UBASH3B: variants seen among roughly 807,000 people sequenced by gnomAD.
The protein encoded by UBASH3B is ubiquitin associated and SH3 domain containing B, also known as ubiquitin-associated and SH3 domain-containing protein B.
In UBASH3B, 37 loss-of-function variants were observed where a neutral mutation model predicts 83.4. That is an observed-to-expected ratio of 0.44 (90% CI 0.34 to 0.58). UBASH3B has a LOEUF of 0.58. Ranked by LOEUF, UBASH3B falls within the 20% of genes least tolerant of loss-of-function variation. The pLI is 0.01. For missense variants in UBASH3B, 657 were observed against 827.2 expected (o/e 0.79, Z 2.52); for synonymous variants, 304 against 318.3 (o/e 0.96, Z 0.48).
intron 5 of UBASH3B, among the ~76,000 whole-genome samples, chr11:122,784,044 G>T (rs1016884890): frequency 6.6e-6 from 1 of 151,698 alleles, no homozygotes; most frequent in Non-Finnish European, 1.5e-5. Context: ...GGGTTCAAGC[G>T]ATTCTCCTGC....
chr11:122,731,249 C>A (rs1860839444), intron 1 of UBASH3B, among the ~76,000 whole-genome samples: 1 of 152,220 alleles, frequency 6.6e-6, no homozygotes, highest in Admixed American at 6.5e-5. Flanking sequence ...GCAAAACCAG[C>A]ACAAATTTCT....
At chr11:122,722,274 C>CT (rs1323625382) in intron 1 of UBASH3B, among the ~76,000 whole-genome samples, 1 of 152,200 alleles carries the variant, frequency 6.6e-6, no homozygotes, top group Non-Finnish European at 1.5e-5. Context: ...AAGACTTTGA[C>CT]TTAAACATTC....
In UBASH3B at chr11:122,776,277, G is replaced by T. The variant is rs1280603977; in HGVS notation, c.215+5G>T. The T allele has an allele frequency of 1.2e-6, 2 of 1,602,990 alleles. No homozygotes were observed. The highest frequency in any genetic ancestry group is 1.7e-6 in the Non-Finnish European group (2 of 1,175,890). On this transcript the variant is annotated splice_donor_5th_base_variant and intron_variant, in intron 2 of 13. Coordinates refer to ENST00000284273, the MANE Select transcript of UBASH3B (RefSeq NM_032873.5). ...TGTTCAGGCAGCATGTGACTGGTTG[G>T]TATGAGATAAATAAATTGAGAAAAT...
At chr11:122,781,491 G>C (rs897883729) in intron 4 of UBASH3B, among the ~76,000 whole-genome samples, 3 of 152,224 alleles carry the variant, frequency 2.0e-5, no homozygotes, top group Non-Finnish European at 4.4e-5. Flanking sequence ...AGCAGCAGTC[G>C]AAGCCCCAGC....
chr11:122,778,590 A>ATTTTTTTTTTTTTTTTT (rs138539169), intron 3 of UBASH3B, among the ~76,000 whole-genome samples: 3 of 118,080 alleles, frequency 2.5e-5, no homozygotes, highest in Non-Finnish European at 3.6e-5. Context: ...GAGAACTTTG[A>ATTTTTTTTTTTTTTTTT]TTTTTTTTTT....
intron 1 of UBASH3B, among the ~76,000 whole-genome samples, chr11:122,738,887 CAA>C (rs35957240): frequency 0.039 from 5,439 of 139,476 alleles, 135 homozygotes; most frequent in Admixed American, 0.082. Flanking sequence ...AACTCTGTCT[CAA>C]AAAAAAAAAA....
At chr11:122,752,290 T>C (rs1271427458) in intron 1 of UBASH3B, among the ~76,000 whole-genome samples, 1 of 152,178 alleles carries the variant, frequency 6.6e-6, no homozygotes, top group Non-Finnish European at 1.5e-5. Flanking sequence ...TCTAGTGCTA[T>C]TGAGGAGATA....
intron 1 of UBASH3B, among the ~76,000 whole-genome samples, chr11:122,669,532 C>G (rs1863562768): frequency 6.6e-6 from 1 of 152,204 alleles, no homozygotes; most frequent in Non-Finnish European, 1.5e-5. Flanking sequence ...ACATGGACAG[C>G]TTTGGTGACT....
At chr11:122,690,214 T>TATA (rs1863873410) in intron 1 of UBASH3B, among the ~76,000 whole-genome samples, 4 of 52,560 alleles carry the variant, frequency 7.6e-5, no homozygotes, top group Non-Finnish European at 9.9e-5. Flanking sequence ...ATATATCCAA[T>TATA]TATATATATA....
At chr11:122,699,872 C>T (rs1036137815) in intron 1 of UBASH3B, among the ~76,000 whole-genome samples, 1 of 152,154 alleles carries the variant, frequency 6.6e-6, no homozygotes, top group Non-Finnish European at 1.5e-5. Flanking sequence ...GCATGAGTCA[C>T]CATGCCCAGC....
intron 1 of UBASH3B, among the ~76,000 whole-genome samples, chr11:122,717,925 G>A (rs1557457): frequency 0.3 from 43,149 of 143,648 alleles, 7,117 homozygotes; most frequent in Non-Finnish European, 0.39. Context: ...TTTTTTTTTC[G>A]GACAAGTCTC....
At chr11:122,725,328 C>CAAAAAAA (rs527272428) in intron 1 of UBASH3B, among the ~76,000 whole-genome samples, 58 of 87,766 alleles carry the variant, frequency 6.6e-4, no homozygotes, top group Non-Finnish European at 1.1e-3. Flanking sequence ...GCACCATAAA[C>CAAAAAAA]AAAAAAAAAA....
chr11:122,751,232 CTG>C (rs994590092), intron 1 of UBASH3B, among the ~76,000 whole-genome samples: 1 of 152,220 alleles, frequency 6.6e-6, no homozygotes, highest in African/African-American at 2.4e-5. Flanking sequence ...TATTATTTCA[CTG>C]TGTGGATGAG....
chr11:122,791,491 T>C (rs925074891), intron 6 of UBASH3B, among the ~76,000 whole-genome samples: 1 of 152,228 alleles, frequency 6.6e-6, no homozygotes, highest in Non-Finnish European at 1.5e-5. Context: ...ATTCTCTTTT[T>C]TCTATCTTGT....
chr11:122,744,549 T>C (rs533315164), intron 1 of UBASH3B, among the ~76,000 whole-genome samples: 34 of 152,238 alleles, frequency 2.2e-4, no homozygotes, highest in African/African-American at 7.9e-4. Context: ...CATGTGATCA[T>C]GTCTAAGAGT....
At chr11:122,779,065 T>A (rs1014552718) in intron 3 of UBASH3B, among the ~76,000 whole-genome samples, 1 of 152,244 alleles carries the variant, frequency 6.6e-6, no homozygotes, top group Non-Finnish European at 1.5e-5. Context: ...AACTCTACTC[T>A]CTTAGTAATT....
intron 1 of UBASH3B, among the ~76,000 whole-genome samples, chr11:122,710,336 T>C (rs529797387): frequency 5.3e-4 from 81 of 152,276 alleles, no homozygotes; most frequent in African/African-American, 1.9e-3. Flanking sequence ...CGGAGCGGGC[T>C]GGTGGTTGGA....
chr11:122,688,448 G>GTTTTT (rs146559473), intron 1 of UBASH3B, among the ~76,000 whole-genome samples: 6 of 121,500 alleles, frequency 4.9e-5, no homozygotes, highest in African/African-American at 1.8e-4. Context: ...TTTGTGGTTT[G>GTTTTT]TTTGTTTTTT....
At chr11:122,786,988 C>T (rs1028834288) in intron 5 of UBASH3B, among the ~76,000 whole-genome samples, 3 of 151,828 alleles carry the variant, frequency 2.0e-5, no homozygotes, top group African/African-American at 4.8e-5. Context: ...TACCCACCCC[C>T]GCTCCCCCCC....
Sources: allele counts gnomAD v4.1 joint callset (sites outside exome capture counted in the v4.1 genomes callset), GRCh38; gene constraint gnomAD v4.1.1; transcripts MANE v1.5; gene names NCBI Gene and HGNC (gene_info 2026-07-23, HGNC 2026-07-21).